CRYZL1: variants seen among roughly 807,000 people sequenced by gnomAD.
CRYZL1 encodes ferry endosomal RAB5 effector complex subunit 4.
Under a neutral mutation model 50.6 loss-of-function variants are expected in CRYZL1, and 34 were observed. The ratio of observed to expected loss-of-function variants is 0.67; its 90% confidence interval spans 0.51 to 0.89. The LOEUF is 0.89. CRYZL1 is among the 40% of genes least tolerant of loss of function. The pLI is 0.00. For missense variants in CRYZL1, 354 were observed against 402.3 expected, an observed-to-expected ratio of 0.88 and a Z score of 1.03; for synonymous variants, 125 against 134.3, an observed-to-expected ratio of 0.93 and a Z score of 0.48.
intron 11 of CRYZL1, among the ~76,000 whole-genome samples, chr21:33,592,182 GCC>G: frequency 6.7e-6 from 1 of 149,234 alleles, no homozygotes; most frequent in Non-Finnish European, 1.5e-5. Context: ...CCCCTCTGTG[GCC>G]CAGGCTAGAG....
intron 5 of CRYZL1, 122 bp downstream of exon 5, chr21:33,616,584 A>G: frequency 6.4e-7 from 1 of 1,552,144 alleles, no homozygotes; most frequent in Non-Finnish European, 8.8e-7. Flanking sequence ...GAGCCACAGC[A>G]CCCAGCCGGG....
chr21:33,622,765 T>C lies in CRYZL1; in HGVS notation c.145-697A>G, dbSNP rs146282422. Among the ~76,000 whole-genome samples the C allele has an allele frequency of 2.7e-4, 41 of 152,260 alleles. 2 individuals are homozygous for C. The East Asian group carries it at 7.7e-3, about 29-fold the overall frequency. On this transcript the variant is annotated intron_variant, in intron 3 of 12. Transcript: ENST00000381554. ...TTAACACTACAGATGCTGAACGTAT[T>C]TGTAGATACCACAATATTTTAGGAA...
chr21:33,632,630 G>A (rs959655480), intron 1 of CRYZL1, among the ~76,000 whole-genome samples: 31 of 152,052 alleles, frequency 2.0e-4, no homozygotes, highest in African/African-American at 6.8e-4. Flanking sequence ...CACCCGCCTC[G>A]GCCTCCCAAA....
chr21:33,602,195 A>C, intron 8 of CRYZL1, 39 bp downstream of exon 8: 1 of 1,122,742 alleles, frequency 8.9e-7, no homozygotes. Flanking sequence ...TTCCTTCAAA[A>C]TTTCCTGTTT....
chr21:33,599,251 G>A lies in CRYZL1; in HGVS notation c.578-3C>T. 2 of 1,613,740 alleles carry A rather than the reference G, an allele frequency of 1.2e-6. No homozygotes were observed. Among genetic ancestry groups the A allele is most frequent in the South Asian group, 1.1e-5 (1 of 91,074 alleles). On this transcript the variant is annotated splice_polypyrimidine_tract_variant and splice_region_variant and intron_variant, in intron 8 of 12. Transcript: ENST00000381554. ...ATTAGATACATCAATCACTCGGGCT[G>A]TAAAGGACAGGAAATCAGGCAATTG...
At chr21:33,603,735 A>G in intron 6 of CRYZL1, among the ~76,000 whole-genome samples, 198 bp from the exon 7 acceptor site, 1 of 152,204 alleles carries the variant, frequency 6.6e-6, no homozygotes, top group South Asian at 2.1e-4. Context: ...GTATTTTTAA[A>G]ACTTTTTATA....
chr21:33,633,991 G>A (rs1296224699), intron 1 of CRYZL1, among the ~76,000 whole-genome samples: 1 of 152,190 alleles, frequency 6.6e-6, no homozygotes. Context: ...GTGTAGTTGA[G>A]CAATGGTTGT....
intron 1 of CRYZL1, among the ~76,000 whole-genome samples, chr21:33,638,322 C>T (rs915382565): frequency 1.3e-5 from 2 of 151,496 alleles, no homozygotes; most frequent in African/African-American, 4.9e-5. Context: ...AAGTGATTCT[C>T]CTGCCCCAGC....
intron 4 of CRYZL1, among the ~76,000 whole-genome samples, chr21:33,620,487 C>A (rs1445291657): frequency 6.6e-6 from 1 of 151,632 alleles, no homozygotes; most frequent in Non-Finnish European, 1.5e-5. Context: ...TTATAAAATA[C>A]CAATTGAGTC....
At chr21:33,590,595 T>C (rs1242507683) in intron 12 of CRYZL1, among the ~76,000 whole-genome samples, 2 of 151,730 alleles carry the variant, frequency 1.3e-5, no homozygotes, top group South Asian at 4.2e-4. Context: ...TTCTATTTTT[T>C]AGTAGAGACA....
At chr21:33,589,968 T>C (rs369802759) in intron 12 of CRYZL1, 47 bp from the exon 13 acceptor site, 10 of 1,124,084 alleles carry the variant, frequency 8.9e-6, no homozygotes, top group Non-Finnish European at 1.2e-5. Flanking sequence ...TAAAGATAAG[T>C]AGAACAAACA....
chr21:33,623,789 A>C (rs1408447845), intron 3 of CRYZL1, among the ~76,000 whole-genome samples: 1 of 152,220 alleles, frequency 6.6e-6, no homozygotes, highest in African/African-American at 2.4e-5. Flanking sequence ...AACGGAGTAA[A>C]TGGACCTGCT....
At chr21:33,603,831 G>A (rs908117496) in intron 6 of CRYZL1, among the ~76,000 whole-genome samples, 7 of 152,180 alleles carry the variant, frequency 4.6e-5, no homozygotes, top group African/African-American at 1.4e-4. Context: ...CAAAGTTAAC[G>A]GTATACCATC....
chr21:33,605,527 A>ATTTTTTTTTTTTTTTTTTTTTTTTTTT (rs1555904645), intron 6 of CRYZL1, among the ~76,000 whole-genome samples: 5 of 14,834 alleles, frequency 3.4e-4, no homozygotes, highest in African/African-American at 1.2e-3. Flanking sequence ...CAGTACAAGA[A>ATTTTTTTTTTTTTTTTTTTTTTTTTTT]TTCTTTTTTT....
intron 6 of CRYZL1, among the ~76,000 whole-genome samples, chr21:33,607,684 A>T (rs909752110): frequency 5.9e-5 from 9 of 152,214 alleles, no homozygotes; most frequent in Admixed American, 4.6e-4. Flanking sequence ...TTAAAAATAA[A>T]AACAAATTAT....
At chr21:33,640,725 G>A (rs1222053593) in intron 1 of CRYZL1, among the ~76,000 whole-genome samples, 5 of 152,096 alleles carry the variant, frequency 3.3e-5, no homozygotes, top group African/African-American at 9.7e-5. Flanking sequence ...TTCTGCAGTA[G>A]GCTACTGTAG....
intron 2 of CRYZL1, 104 bp from the exon 3 acceptor site, chr21:33,624,864 A>T (rs1427209267): frequency 3.5e-6 from 5 of 1,429,028 alleles, no homozygotes; most frequent in Non-Finnish European, 4.6e-6. Context: ...AAAATTAGAC[A>T]GACCCTAAAT....
chr21:33,620,874 G>A (rs914888927), intron 4 of CRYZL1, among the ~76,000 whole-genome samples: 1 of 140,904 alleles, frequency 7.1e-6, no homozygotes, highest in Admixed American at 7.6e-5. Flanking sequence ...GCATAATGTC[G>A]TGTACCCGTA....
chr21:33,601,845 G>C (rs923343268), intron 8 of CRYZL1, among the ~76,000 whole-genome samples: 4 of 151,114 alleles, frequency 2.6e-5, no homozygotes, highest in African/African-American at 9.7e-5. Context: ...TGACCCTGGG[G>C]AGGTCCATAC....
Sources: allele counts gnomAD v4.1 joint callset (sites outside exome capture counted in the v4.1 genomes callset), GRCh38; gene constraint gnomAD v4.1.1; transcripts MANE v1.5; gene names NCBI Gene and HGNC (gene_info 2026-07-23, HGNC 2026-07-21).